ADAM7: variants seen among roughly 807,000 people sequenced by gnomAD.
ADAM7 encodes the protein ADAM metallopeptidase domain 7, also known as disintegrin and metalloproteinase domain-containing protein 7.
A neutral mutation model predicts 102.9 loss-of-function variants in ADAM7; 97 were observed. The observed-to-expected ratio is 0.94, with a 90% CI of 0.80 to 1.12. The LOEUF (loss-of-function observed/expected upper bound fraction) is 1.12. ADAM7 is among the 50% of genes most tolerant of loss of function. The probability of loss-of-function intolerance (pLI) is 0.00; values close to 1 mark genes in which losing one functional copy is unlikely to be tolerated. For synonymous variants in ADAM7, 334 were observed against 304.4 expected, an observed-to-expected ratio of 1.10 and a Z score of -1.01; for missense variants, 991 against 908.7, an observed-to-expected ratio of 1.09 and a Z score of -1.16.
At chr8:24,483,049 C>T (rs1440365338) in intron 9 of ADAM7, among the ~76,000 whole-genome samples, 1 of 152,142 alleles carries the variant, frequency 6.6e-6, no homozygotes, top group Non-Finnish European at 1.5e-5. Context: ...GTGGCCAGCC[C>T]TTCAATACCA....
chr8:24,500,003 TTTAC>T (rs1293051119), intron 17 of ADAM7, among the ~76,000 whole-genome samples, 171 bp from the exon 18 acceptor site: 2 of 152,168 alleles, frequency 1.3e-5, no homozygotes, highest in Non-Finnish European at 2.9e-5. Context: ...TTGTATTTTG[TTTAC>T]TTATTTTTAT....
chr8:24,509,558 G>C lies in ADAM7; in HGVS notation c.*1012G>C, dbSNP rs1821048386. The C allele has an allele frequency of 1.0e-6, 1 of 984,406 alleles. No individual in the cohort carries two copies. Among genetic ancestry groups the C allele is most frequent in the Non-Finnish European group, 1.2e-6 (1 of 829,174 alleles). The allele number at this position is 984,406 out of a possible 1,614,324, so 61.0% of individuals were successfully genotyped here. A position where few individuals can be genotyped will look rare whatever the true frequency, so the allele number is the denominator to read the frequency against. On this transcript the variant is annotated 3_prime_UTR_variant, in exon 22 of 22. Transcript: ENST00000175238. Reference sequence around the variant, plus strand: ...GAAATAAATAAAGGCTACAAAAGAAGGAAGAAAGGCTGTTGTCCTTGTTGA... The same window carrying C: ...GAAATAAATAAAGGCTACAAAAGAACGAAGAAAGGCTGTTGTCCTTGTTGA...
At chr8:24,453,476 T>C (rs1818880387) in intron 3 of ADAM7, among the ~76,000 whole-genome samples, 1 of 152,212 alleles carries the variant, frequency 6.6e-6, no homozygotes, top group South Asian at 2.1e-4. Flanking sequence ...TTCACGTAGT[T>C]CTCGAGCCTT....
intron 18 of ADAM7, 78 bp downstream of exon 18, chr8:24,500,334 G>C: frequency 3.8e-6 from 5 of 1,324,592 alleles, no homozygotes; most frequent in Non-Finnish European, 4.3e-6. Context: ...TTTCAAGTCT[G>C]CTACTTATTT....
intron 18 of ADAM7, 108 bp from the exon 19 acceptor site, chr8:24,500,682 G>A: frequency 1.2e-6 from 1 of 809,568 alleles, no homozygotes. Context: ...GAGAATTGAA[G>A]TTCTATAGAA....
At chr8:24,446,853 T>C (rs1305225789) in intron 2 of ADAM7, among the ~76,000 whole-genome samples, 1 of 149,102 alleles carries the variant, frequency 6.7e-6, no homozygotes, top group Non-Finnish European at 1.5e-5. Context: ...TATTATATTA[T>C]ATTAAACTAT....
At chr8:24,481,063 A>AAAACAAACAAAC (rs111355286) in intron 8 of ADAM7, among the ~76,000 whole-genome samples, 3 of 149,982 alleles carry the variant, frequency 2.0e-5, no homozygotes, top group African/African-American at 7.4e-5. Flanking sequence ...CCCTGTCTCA[A>AAAACAAACAAAC]AAACAAACAA....
At chr8:24,460,024 T>A (rs960947683) in intron 3 of ADAM7, among the ~76,000 whole-genome samples, 1 of 152,176 alleles carries the variant, frequency 6.6e-6, no homozygotes. Context: ...GGATTTCTTC[T>A]TTGAGTCATG....
intron 8 of ADAM7, among the ~76,000 whole-genome samples, chr8:24,480,045 C>A (rs1430964832): frequency 6.6e-6 from 1 of 152,098 alleles, no homozygotes; most frequent in African/African-American, 2.4e-5. Flanking sequence ...TCCCCCATGC[C>A]TTTTTGTAAG....
chr8:24,503,420 T>C (rs899123992), intron 20 of ADAM7, among the ~76,000 whole-genome samples: 1 of 152,134 alleles, frequency 6.6e-6, no homozygotes, highest in Non-Finnish European at 1.5e-5. Context: ...ACTTTTACAT[T>C]GTTGGAGGGA....
At chr8:24,490,748 G>T (rs779110736) in intron 12 of ADAM7, 51 bp from the exon 13 acceptor site, 2 of 1,542,616 alleles carry the variant, frequency 1.3e-6, no homozygotes, top group Non-Finnish European at 1.8e-6. Context: ...TCTTCAAACA[G>T]GAGTCAGAGT....
At chr8:24,504,760 C>A (rs531144362) in intron 20 of ADAM7, among the ~76,000 whole-genome samples, 2 of 152,012 alleles carry the variant, frequency 1.3e-5, no homozygotes, top group South Asian at 4.2e-4. Flanking sequence ...AGCATACCCC[C>A]ACTCTATCCC....
intron 3 of ADAM7, among the ~76,000 whole-genome samples, chr8:24,447,484 C>A (rs752797837): frequency 6.6e-6 from 1 of 152,126 alleles, no homozygotes; most frequent in Non-Finnish European, 1.5e-5. Context: ...TAACTCCCTA[C>A]TTTGAATACT....
chr8:24,492,613 A>C lies in ADAM7; in HGVS notation c.1655+16A>C. 1 of 1,584,782 alleles carries C rather than the reference A, an allele frequency of 6.3e-7. No homozygotes were observed. The highest frequency in any genetic ancestry group is 2.2e-5 in the East Asian group (1 of 44,600). ...GTGAGGAGAAGTAAGTGCCCTGTGGAAAAAAAGTAATTTGCCTTCTTACAG... is the reference window on the plus strand; with the variant it reads ...GTGAGGAGAAGTAAGTGCCCTGTGGCAAAAAAGTAATTTGCCTTCTTACAG... On this transcript the variant is annotated intron_variant, in intron 15 of 21. Coordinates refer to ENST00000175238, the MANE Select transcript of ADAM7 (RefSeq NM_003817.4).
At chr8:24,460,541 A>G (rs1284802636) in intron 3 of ADAM7, among the ~76,000 whole-genome samples, 1 of 151,994 alleles carries the variant, frequency 6.6e-6, no homozygotes. Context: ...TTAACTTTGT[A>G]ACAATGACTC....
At chr8:24,447,417 A>G (rs1818602186) in intron 3 of ADAM7, among the ~76,000 whole-genome samples, 155 bp downstream of exon 3, 3 of 152,146 alleles carry the variant, frequency 2.0e-5, no homozygotes, top group Admixed American at 6.6e-5. Flanking sequence ...GTGTAAGCCA[A>G]TCACATCTCA....
At chr8:24,442,423 A>G (rs1335447338) in intron 1 of ADAM7, 50 bp from the exon 2 acceptor site, 3 of 1,265,174 alleles carry the variant, frequency 2.4e-6, no homozygotes, top group Non-Finnish European at 3.5e-6. Context: ...CAGCCGCTGT[A>G]GACGAATGTT....
intron 21 of ADAM7, 24 bp from the exon 22 acceptor site, chr8:24,508,522 T>G (rs1179623871): frequency 1.2e-6 from 2 of 1,611,580 alleles, no homozygotes; most frequent in African/African-American, 2.7e-5. Flanking sequence ...AACAATCTAT[T>G]TTTAACCATC....
chr8:24,499,253 A>G lies in ADAM7; in HGVS notation c.1860A>G (p.Glu620=). Residue 620 remains glutamate, a synonymous_variant, in exon 17 of 22, where the codon GAA becomes GAG. Coordinates refer to ENST00000175238, the MANE Select transcript of ADAM7 (RefSeq NM_003817.4). Reference sequence around the variant, plus strand: ...ATTTCTAGGTGTGCAACAATGGTGAATGTCTAAACATGGAAAAGGTCTATA... The same window carrying G: ...ATTTCTAGGTGTGCAACAATGGTGAGTGTCTAAACATGGAAAAGGTCTATA... ...CGEGMVCNNG[E]CLNMEKVYIS... The G allele has an allele frequency of 6.2e-7, 1 of 1,601,684 alleles. No individual in the cohort carries two copies. Among genetic ancestry groups the G allele is most frequent in the Non-Finnish European group, 8.5e-7 (1 of 1,175,060 alleles).
Sources: gnomAD v4.1 joint callset for allele counts (sites outside exome capture counted in the v4.1 genomes callset) on GRCh38, gnomAD v4.1.1 for gene constraint, MANE v1.5 for transcripts, NCBI Gene and HGNC (gene_info 2026-07-23, HGNC 2026-07-21) for gene names.